The following ATG2B variants were observed in gnomAD, a reference collection of about 807,000 sequenced individuals.
ATG2B encodes the protein autophagy related 2B.
Under a neutral mutation model 241.3 loss-of-function variants are expected in ATG2B, and 121 were observed. The observed-to-expected ratio is 0.50, with a 90% CI of 0.43 to 0.58. The LOEUF (loss-of-function observed/expected upper bound fraction) is 0.58. Among genes scored for constraint, ATG2B ranks in the 20% least tolerant of loss-of-function variants. ATG2B has a pLI of 0.00. For missense variants in ATG2B, 2,306 were observed against 2,491.6 expected (o/e 0.93, Z 1.59); for synonymous variants, 858 against 876.6 (o/e 0.98, Z 0.37).
chr14:96,285,576 C>G lies in ATG2B; in HGVS notation c.*179G>C, dbSNP rs1886311718. 2.3e-5 allele frequency: 14 copies of G among 620,962 alleles called. No individual in the cohort carries two copies. The South Asian group carries it at 2.9e-4, about 13-fold the overall frequency. The allele number at this position is 620,962 out of a possible 1,614,324, so 38.5% of individuals were successfully genotyped here. A position where few individuals can be genotyped will look rare whatever the true frequency, so the allele number is the denominator to read the frequency against. On this transcript the variant is annotated 3_prime_UTR_variant, in exon 42 of 42. Coordinates refer to ENST00000359933, the MANE Select transcript of ATG2B (RefSeq NM_018036.7). The surrounding 1 kb of genome is among the most constrained non-coding windows in gnomAD (Gnocchi z 4.2). Reference sequence around the variant, plus strand: ...AAACATTTCTATAGGCAAGTATCAACTATAAATGTCAGAAGTTTTTGGTTG... The same window carrying G: ...AAACATTTCTATAGGCAAGTATCAAGTATAAATGTCAGAAGTTTTTGGTTG...
chr14:96,290,237 C>T lies in ATG2B; in HGVS notation c.5856+199G>A. ...ACCTGAAATAGGCAAACAAATCTGACACTGTATTCCACTGCTTTATTCTAA... is the reference window on the plus strand; with the variant it reads ...ACCTGAAATAGGCAAACAAATCTGATACTGTATTCCACTGCTTTATTCTAA... On this transcript the variant is annotated intron_variant, in intron 40 of 41. Transcript: ENST00000359933. This position sits in a 1 kb window ranked among gnomAD's most constrained non-coding sequence, Gnocchi z 4.4. 3.3e-6 allele frequency: 4 copies of T among 1,213,076 alleles called. No individual in the cohort carries two copies. The East Asian group carries it at 1.1e-4, about 35-fold the overall frequency. 75.1% of individuals were successfully genotyped at this position (1,213,076 alleles called of 1,614,324 possible). A position where few individuals can be genotyped will look rare whatever the true frequency, so the allele number is the denominator to read the frequency against.
At chr14:96,351,074 CAG>C (rs1211586303) in intron 1 of ATG2B, among the ~76,000 whole-genome samples, 1 of 152,180 alleles carries the variant, frequency 6.6e-6, no homozygotes, top group Non-Finnish European at 1.5e-5. Flanking sequence ...GCATGACACT[CAG>C]AAATTCAAAG....
intron 36 of ATG2B, 41 bp from the exon 37 acceptor site, chr14:96,292,139 T>C: frequency 8.0e-7 from 1 of 1,247,976 alleles, no homozygotes; most frequent in Non-Finnish European, 1.1e-6. Context: ...CATTTACAAT[T>C]ACTAATAGGT....
In ATG2B at chr14:96,354,116, G is replaced by T. The variant is rs116570419; in HGVS notation, c.163-6775C>A. 6.3e-3 allele frequency among the ~76,000 whole-genome samples: 961 copies of T among 152,232 alleles called. 14 individuals carry two copies. The highest frequency in any genetic ancestry group is 0.022 in the African/African-American group (916 of 41,532). ...AGATAATTGAGCAAACATGGTTAAA[G>T]ACCACTCCTTCATTTATTTTTTCCA... is the stretch of plus-strand genomic sequence containing the variant. On this transcript the variant is annotated intron_variant, in intron 1 of 41. Coordinates refer to ENST00000359933, the MANE Select transcript of ATG2B (RefSeq NM_018036.7).
At chr14:96,339,657 G>A (rs770555603) in intron 6 of ATG2B, among the ~76,000 whole-genome samples, 46 of 152,002 alleles carry the variant, frequency 3.0e-4, no homozygotes, top group Admixed American at 8.5e-4. Context: ...TCACTTATAA[G>A]TGGGAGCTAA....
At chr14:96,337,681 C>A (rs1887901685) in intron 6 of ATG2B, among the ~76,000 whole-genome samples, 1 of 152,094 alleles carries the variant, frequency 6.6e-6, no homozygotes, top group Admixed American at 6.6e-5. Flanking sequence ...CTAACTACAG[C>A]CTTGTAGTAT....
rs373735280 is a variant in ATG2B at position 96,302,144 on chromosome 14, A to G, written c.5038-36T>C. 193 of 1,302,208 alleles carry G rather than the reference A, an allele frequency of 1.5e-4. No individual in the cohort carries two copies. The African/African-American group carries it at 2.5e-3, about 17-fold the overall frequency. 80.7% of individuals were successfully genotyped at this position (1,302,208 alleles called of 1,614,324 possible). ...AGAAAGAGAATAACATTTTTCCCCA[A>G]TAATATGATGACCTTCTTCTCTTTA... On this transcript the variant is annotated intron_variant, in intron 33 of 41. Coordinates refer to ENST00000359933, the MANE Select transcript of ATG2B (RefSeq NM_018036.7).
At chr14:96,299,239 G>C (rs888844944) in intron 34 of ATG2B, among the ~76,000 whole-genome samples, 9 of 152,020 alleles carry the variant, frequency 5.9e-5, no homozygotes, top group Non-Finnish European at 1.2e-4. Flanking sequence ...TAGCTCCACT[G>C]CACTCCTTAA....
intron 1 of ATG2B, among the ~76,000 whole-genome samples, chr14:96,355,048 C>G: frequency 6.6e-6 from 1 of 152,118 alleles, no homozygotes; most frequent in East Asian, 1.9e-4. Context: ...AGACCTTTGT[C>G]AGACGGATAG....
At position 96,308,245 on chromosome 14, in the gene ATG2B, TATATATACACAC is replaced by T. The variant is rs1210319326; in HGVS notation, c.4303+1196_4303+1207del. On this transcript the variant is annotated intron_variant, in intron 29 of 41. Coordinates refer to ENST00000359933, the MANE Select transcript of ATG2B (RefSeq NM_018036.7). Reference sequence around the variant, plus strand: ...ATATATATATACATATATATATATATATATATACACACATATATATATATATATATATATATA... The same window carrying T: ...ATATATATATACATATATATATATATATATATATATATATATATATATATA... Among the ~76,000 whole-genome samples, 55 of 27,692 alleles carry T rather than the reference TATATATACACAC, an allele frequency of 2.0e-3. 2 individuals carry two copies. The highest frequency in any genetic ancestry group is 2.2e-3 in the Non-Finnish European group (34 of 15,228). The allele number at this position is 27,692 out of a possible 152,430, so 18.2% of individuals were successfully genotyped here.
Position 96,311,530 on chromosome 14 carries a change from T to G in ATG2B, c.3990+12A>C. The stretch of plus-strand genomic sequence containing the variant: ...ATAGAACTTAAAATTTTCATTTATT[T>G]TAATAACTCACTTGCTCTCCATCAG... On this transcript the variant is annotated intron_variant, in intron 27 of 41. Coordinates refer to ENST00000359933, the MANE Select transcript of ATG2B (RefSeq NM_018036.7). The G allele has an allele frequency of 6.3e-7, 1 of 1,579,248 alleles. No homozygotes were observed. Among genetic ancestry groups the G allele is most frequent in the South Asian group, 1.2e-5 (1 of 85,080 alleles).
intron 4 of ATG2B, among the ~76,000 whole-genome samples, chr14:96,343,489 GT>G (rs1566732979): frequency 6.6e-6 from 1 of 152,054 alleles, no homozygotes; most frequent in Non-Finnish European, 1.5e-5. Context: ...AAGTTAAGGG[GT>G]TTTTTCAAGT....
chr14:96,349,885 T>C (rs945984625), intron 1 of ATG2B, among the ~76,000 whole-genome samples: 5 of 152,038 alleles, frequency 3.3e-5, no homozygotes, highest in African/African-American at 1.2e-4. Flanking sequence ...GTAGGTCAGG[T>C]ATGGTGACTC....
intron 18 of ATG2B, among the ~76,000 whole-genome samples, chr14:96,321,041 AT>A (rs1887444528): frequency 6.6e-6 from 1 of 152,178 alleles, no homozygotes. Flanking sequence ...AAGTGATAAC[AT>A]TTTCTTCCTA....
At position 96,290,361 on chromosome 14, in the gene ATG2B, C is replaced by T. The variant is rs753216718; in HGVS notation, c.5856+75G>A. On this transcript the variant is annotated intron_variant, in intron 40 of 41. Transcript: ENST00000359933. This position sits in a 1 kb window ranked among gnomAD's most constrained non-coding sequence, Gnocchi z 4.4. Reference sequence around the variant, plus strand: ...AACATTTTGTATATCTTCACAGTATCGTTTTAAAAACAAAAGGACCCAACC... The same window carrying T: ...AACATTTTGTATATCTTCACAGTATTGTTTTAAAAACAAAAGGACCCAACC... 2.6e-6 allele frequency: 4 copies of T among 1,516,030 alleles called. No homozygotes were observed. Among genetic ancestry groups the T allele is most frequent in the East Asian group, 2.3e-5 (1 of 44,016 alleles). The allele number at this position is 1,516,030 out of a possible 1,614,324, so 93.9% of individuals were successfully genotyped here.
At chr14:96,362,538 G>A (rs568643695) in intron 1 of ATG2B, among the ~76,000 whole-genome samples, 3 of 152,280 alleles carry the variant, frequency 2.0e-5, no homozygotes, top group South Asian at 4.1e-4. Context: ...CGGACCTATT[G>A]AGCCTGCTTC....
chr14:96,290,260 T>C lies in ATG2B; in HGVS notation c.5856+176A>G. The C allele has an allele frequency of 8.0e-7, 1 of 1,251,792 alleles. No homozygotes were observed. The highest frequency in any genetic ancestry group is 1.1e-6 in the Non-Finnish European group (1 of 948,368). The allele number at this position is 1,251,792 out of a possible 1,614,324, so 77.5% of individuals were successfully genotyped here. A position where few individuals can be genotyped will look rare whatever the true frequency, so the allele number is the denominator to read the frequency against. On this transcript the variant is annotated intron_variant, in intron 40 of 41. Transcript: ENST00000359933. This position sits in a 1 kb window ranked among gnomAD's most constrained non-coding sequence, Gnocchi z 4.4. Reference sequence around the variant, plus strand: ...GACACTGTATTCCACTGCTTTATTCTAATTATTTAACACTAAACATTTAAG... The same window carrying C: ...GACACTGTATTCCACTGCTTTATTCCAATTATTTAACACTAAACATTTAAG...
intron 34 of ATG2B, among the ~76,000 whole-genome samples, 167 bp from the exon 35 acceptor site, chr14:96,295,727 C>CTACACACACACACACA: frequency 6.9e-6 from 1 of 145,866 alleles, no homozygotes; most frequent in East Asian, 2.0e-4. Flanking sequence ...CTTCCCCCCA[C>CTACACACACACACACA]CACACACACA....
chr14:96,290,105 T>C lies in ATG2B; in HGVS notation c.5857-300A>G. 8.1e-7 allele frequency: 1 copy of C among 1,228,262 alleles called. No individual in the cohort carries two copies. Among genetic ancestry groups the C allele is most frequent in the Non-Finnish European group, 1.0e-6 (1 of 973,656 alleles). 76.1% of individuals were successfully genotyped at this position (1,228,262 alleles called of 1,614,324 possible). A position where few individuals can be genotyped will look rare whatever the true frequency, so the allele number is the denominator to read the frequency against. On this transcript the variant is annotated intron_variant, in intron 40 of 41. Coordinates refer to ENST00000359933, the MANE Select transcript of ATG2B (RefSeq NM_018036.7). The surrounding 1 kb of genome is among the most constrained non-coding windows in gnomAD (Gnocchi z 4.4). ...TGGAGCTTAATACTTACTAGAATGA[T>C]CTTTAATACTTCTGTTTAATCTACA...
Sources: gnomAD v4.1 joint callset for allele counts (sites outside exome capture counted in the v4.1 genomes callset) on GRCh38, gnomAD v4.1.1 for gene constraint, Gnocchi (gnomAD v3.1) non-coding constraint, MANE v1.5 for transcripts, NCBI Gene and HGNC (gene_info 2026-07-23, HGNC 2026-07-21) for gene names.